Variants in GRID2 observed in about 807,000 individuals in gnomAD.
GRID2 encodes glutamate receptor ionotropic, delta-2.
GRID2 carries 33 observed loss-of-function variants against 114.8 expected under a neutral mutation model. The observed-to-expected ratio is 0.29, with a 90% CI of 0.22 to 0.38. The LOEUF (loss-of-function observed/expected upper bound fraction) is 0.38, where lower values mean the gene tolerates loss of function less well. GRID2 is among the 10% of genes least tolerant of loss of function. The pLI, the probability that GRID2 is intolerant of heterozygous loss-of-function variation, is 1.00. For synonymous variants in GRID2, 505 were observed against 449.9 expected (o/e 1.12, Z -1.55); for missense variants, 1,184 against 1,257.7 (o/e 0.94, Z 0.89).
intron 8 of GRID2, among the ~76,000 whole-genome samples, chr4:93,292,561 T>G (rs1051133617): frequency 6.6e-6 from 1 of 152,206 alleles, no homozygotes; most frequent in Non-Finnish European, 1.5e-5. Flanking sequence ...TGAACTCATA[T>G]AAATTTGTGC....
chr4:92,976,053 A>G (rs1297377149), intron 2 of GRID2, among the ~76,000 whole-genome samples: 1 of 152,110 alleles, frequency 6.6e-6, no homozygotes, highest in East Asian at 1.9e-4. Context: ...ATTAGTGAAC[A>G]TTACCATATA....
chr4:92,868,879 T>A (rs1745083640), intron 2 of GRID2, among the ~76,000 whole-genome samples: 1 of 152,106 alleles, frequency 6.6e-6, no homozygotes, highest in South Asian at 2.1e-4. Flanking sequence ...TTATATTGCT[T>A]AAAAGATGCA....
chr4:92,570,662 G>A (rs1464231272), intron 1 of GRID2, among the ~76,000 whole-genome samples: 1 of 151,376 alleles, frequency 6.6e-6, no homozygotes, highest in African/African-American at 2.4e-5. Context: ...CTTGAAGAGA[G>A]CCTTCACTTC....
intron 7 of GRID2, among the ~76,000 whole-genome samples, chr4:93,232,242 C>G (rs748700389): frequency 6.6e-6 from 1 of 152,004 alleles, no homozygotes; most frequent in Non-Finnish European, 1.5e-5. Flanking sequence ...TAAGAAAAAT[C>G]TTAGATTCAA....
chr4:92,688,528 A>G (rs2149290822), intron 2 of GRID2, among the ~76,000 whole-genome samples: 1 of 152,258 alleles, frequency 6.6e-6, no homozygotes, highest in Middle Eastern at 3.4e-3. Context: ...ATCTTTACCA[A>G]AAATAGATTC....
chr4:93,685,569 C>G (rs970188761), intron 14 of GRID2, among the ~76,000 whole-genome samples: 1 of 152,056 alleles, frequency 6.6e-6, no homozygotes, highest in Non-Finnish European at 1.5e-5. Context: ...AATGTCTGAC[C>G]TATAGTAGGT....
intron 1 of GRID2, among the ~76,000 whole-genome samples, chr4:92,506,159 G>T (rs1296495582): frequency 6.6e-6 from 1 of 151,942 alleles, no homozygotes; most frequent in Non-Finnish European, 1.5e-5. Context: ...AGTACATGTG[G>T]CCAAGATTCA....
At chr4:92,472,881 A>C (rs531100168) in intron 1 of GRID2, among the ~76,000 whole-genome samples, 3 of 152,180 alleles carry the variant, frequency 2.0e-5, no homozygotes, top group African/African-American at 7.2e-5. Context: ...GCTGACCTTA[A>C]CAGTGTTTTT....
chr4:92,711,078 A>G (rs969631109), intron 2 of GRID2, among the ~76,000 whole-genome samples: 6 of 152,098 alleles, frequency 3.9e-5, no homozygotes, highest in Non-Finnish European at 5.9e-5. Context: ...CCACTATTAA[A>G]GTATTTATTT....
intron 13 of GRID2, among the ~76,000 whole-genome samples, chr4:93,596,838 G>T (rs748549464): frequency 2.0e-5 from 3 of 152,114 alleles, no homozygotes; most frequent in Non-Finnish European, 4.4e-5. Flanking sequence ...ACATTTATGA[G>T]GTTCTTCTAC....
chr4:92,386,856 A>C (rs1046199687), intron 1 of GRID2, among the ~76,000 whole-genome samples: 1 of 151,918 alleles, frequency 6.6e-6, no homozygotes, highest in Non-Finnish European at 1.5e-5. Context: ...AAAGCTGATT[A>C]ACTTGAGATA....
At chr4:92,712,479 T>A (rs527925763) in intron 2 of GRID2, among the ~76,000 whole-genome samples, 1 of 152,306 alleles carries the variant, frequency 6.6e-6, no homozygotes, top group African/African-American at 2.4e-5. Context: ...TGCTATTTAT[T>A]ATGCTGTATA....
chr4:93,458,065 G>A (rs1322241068), intron 11 of GRID2, among the ~76,000 whole-genome samples: 1 of 152,120 alleles, frequency 6.6e-6, no homozygotes, highest in East Asian at 1.9e-4. Context: ...ACTCCTGATT[G>A]AGGACCACTG....
chr4:92,739,003 G>A lies in GRID2; in HGVS notation c.244+148717G>A, dbSNP rs75282048. On this transcript the variant is annotated intron_variant, in intron 2 of 15. Coordinates refer to ENST00000282020, the MANE Select transcript of GRID2 (RefSeq NM_001510.4). ...TAATAATTCAACATCATCCATTGCT[G>A]AACAGAAGATGATATTTTGAAGAAA... Among the ~76,000 whole-genome samples the A allele has an allele frequency of 9.1e-4, 138 of 152,128 alleles. 1 individual carries two copies. The highest frequency in any genetic ancestry group is 1.8e-3 in the Admixed American group (27 of 15,258).
At chr4:92,925,564 G>A (rs1300932003) in intron 2 of GRID2, among the ~76,000 whole-genome samples, 1 of 151,904 alleles carries the variant, frequency 6.6e-6, no homozygotes, top group Non-Finnish European at 1.5e-5. Flanking sequence ...TTACATGTTG[G>A]TTGTGTCACC....
At chr4:92,394,960 C>G (rs1265001460) in intron 1 of GRID2, among the ~76,000 whole-genome samples, 1 of 151,334 alleles carries the variant, frequency 6.6e-6, no homozygotes, top group Non-Finnish European at 1.5e-5. Flanking sequence ...ATTCTTAGAG[C>G]ACAGTGATAA....
intron 2 of GRID2, among the ~76,000 whole-genome samples, chr4:92,695,322 G>GT (rs530986024): frequency 1.1e-4 from 17 of 151,824 alleles, no homozygotes; most frequent in Middle Eastern, 3.4e-3. Flanking sequence ...TTTAATTTTA[G>GT]TTTTTTTTAT....
At position 92,744,656 on chromosome 4, in the gene GRID2, T is replaced by C. The variant is rs1435281395; in HGVS notation, c.244+154370T>C. 1.3e-5 allele frequency among the ~76,000 whole-genome samples: 2 copies of C among 152,094 alleles called. 1 individual carries two copies. The highest frequency in any genetic ancestry group is 2.9e-5 in the Non-Finnish European group (2 of 68,016). ...CACTGCCCTAGAAAGTGCCTTGCAC[T>C]TTTCTAGTGTTTCTCATCCTTTAGT... On this transcript the variant is annotated intron_variant, in intron 2 of 15. Transcript: ENST00000282020.
intron 11 of GRID2, among the ~76,000 whole-genome samples, chr4:93,486,195 CTGAT>C (rs1447845856): frequency 2.0e-5 from 3 of 151,534 alleles, no homozygotes; most frequent in Non-Finnish European, 4.4e-5. Flanking sequence ...TTTTTGAACA[CTGAT>C]TCTGTAACAT....
Sources: gnomAD v4.1 joint callset for allele counts (sites outside exome capture counted in the v4.1 genomes callset) on GRCh38, gnomAD v4.1.1 for gene constraint, MANE v1.5 for transcripts, NCBI Gene and HGNC (gene_info 2026-07-23, HGNC 2026-07-21) for gene names.